The following BRINP1 variants were observed in gnomAD, a reference collection of about 807,000 sequenced individuals.
The protein encoded by BRINP1 is BMP/retinoic acid-inducible neural-specific protein 1.
Under a neutral mutation model 72.9 loss-of-function variants are expected in BRINP1, and 17 were observed. The observed-to-expected ratio is 0.23, with a 90% CI of 0.16 to 0.35. The LOEUF (loss-of-function observed/expected upper bound fraction) is 0.35, where lower values mean the gene tolerates loss of function less well. Ranked by LOEUF, BRINP1 falls within the 10% of genes least tolerant of loss-of-function variation. BRINP1 has a pLI of 1.00. For missense variants in BRINP1, 850 were observed against 1,001.6 expected (o/e 0.85, Z 2.04); for synonymous variants, 418 against 378.5 (o/e 1.10, Z -1.21).
At chr9:119,291,077 C>T (rs1320674782) in intron 2 of BRINP1, among the ~76,000 whole-genome samples, 1 of 149,858 alleles carries the variant, frequency 6.7e-6, no homozygotes, top group Admixed American at 6.7e-5. Context: ...GAGCCGAGAT[C>T]GCGCCACTGC....
At chr9:119,254,011 T>G (rs1435050355) in intron 2 of BRINP1, among the ~76,000 whole-genome samples, 2 of 152,190 alleles carry the variant, frequency 1.3e-5, no homozygotes, top group African/African-American at 4.8e-5. Context: ...ATTTTTACAC[T>G]CTTTACCAAA....
At chr9:119,261,788 T>TCCTC (rs1216060199) in intron 2 of BRINP1, among the ~76,000 whole-genome samples, 1 of 151,094 alleles carries the variant, frequency 6.6e-6, no homozygotes, top group Non-Finnish European at 1.5e-5. Context: ...CTTCCTTCCT[T>TCCTC]CCTCCCTCCC....
At chr9:119,278,386 T>C (rs956800324) in intron 2 of BRINP1, among the ~76,000 whole-genome samples, 1 of 152,212 alleles carries the variant, frequency 6.6e-6, no homozygotes, top group Non-Finnish European at 1.5e-5. Flanking sequence ...GCTGACTGAT[T>C]GTTGGCTAAT....
intron 4 of BRINP1, among the ~76,000 whole-genome samples, chr9:119,239,960 G>A (rs868083977): frequency 7.9e-5 from 12 of 151,968 alleles, no homozygotes; most frequent in Non-Finnish European, 1.2e-4. Context: ...TTCTCCGCCC[G>A]GGTTAGTGGC....
chr9:119,317,178 T>C (rs1831133552), intron 1 of BRINP1, among the ~76,000 whole-genome samples: 2 of 152,206 alleles, frequency 1.3e-5, no homozygotes, highest in African/African-American at 2.4e-5. Flanking sequence ...GATCTGGGCA[T>C]TGCACATTGG....
In BRINP1 at chr9:119,283,878, T is replaced by A. The variant is rs16908195; in HGVS notation, c.218+29260A>T. Among the ~76,000 whole-genome samples, 939 of 152,288 alleles carry A rather than the reference T, an allele frequency of 6.2e-3. 9 individuals carry two copies. The highest frequency in any genetic ancestry group is 0.022 in the African/African-American group (896 of 41,574). On this transcript the variant is annotated intron_variant, in intron 2 of 7. Coordinates refer to ENST00000265922, the MANE Select transcript of BRINP1 (RefSeq NM_014618.3). ...CAAGTACCATACCGTCACCTGATGCTATCATTCCTCCTTTTTCTCCTTAGG... is the reference window on the plus strand; with the variant it reads ...CAAGTACCATACCGTCACCTGATGCAATCATTCCTCCTTTTTCTCCTTAGG...
intron 2 of BRINP1, among the ~76,000 whole-genome samples, chr9:119,286,243 T>TG (rs1476484936): frequency 6.6e-6 from 1 of 151,920 alleles, no homozygotes; most frequent in Non-Finnish European, 1.5e-5. Flanking sequence ...TTCATCTTTT[T>TG]TTTTTTTGAG....
At chr9:119,351,968 G>C (rs1831512002) in intron 1 of BRINP1, among the ~76,000 whole-genome samples, 1 of 151,926 alleles carries the variant, frequency 6.6e-6, no homozygotes. Context: ...ACCATGCCCA[G>C]CTAATTTTTA....
At chr9:119,302,796 C>T (rs537831242) in intron 2 of BRINP1, among the ~76,000 whole-genome samples, 3 of 152,184 alleles carry the variant, frequency 2.0e-5, no homozygotes, top group East Asian at 1.9e-4. Flanking sequence ...CTTGCAAGAC[C>T]GGCTCAATGC....
chr9:119,218,249 G>A (rs1189145524), intron 5 of BRINP1, among the ~76,000 whole-genome samples: 1 of 147,752 alleles, frequency 6.8e-6, no homozygotes, highest in Non-Finnish European at 1.5e-5. Flanking sequence ...TCTGTCACCA[G>A]GCTGGAGTGC....
chr9:119,248,810 A>G, intron 3 of BRINP1, 150 bp downstream of exon 3: 1 of 643,938 alleles, frequency 1.6e-6, no homozygotes, highest in Admixed American at 3.0e-5. Flanking sequence ...AACAGCCAAG[A>G]CAATTTGGCT....
At chr9:119,310,658 G>A (rs1041862790) in intron 2 of BRINP1, among the ~76,000 whole-genome samples, 12 of 152,192 alleles carry the variant, frequency 7.9e-5, no homozygotes, top group Non-Finnish European at 1.6e-4. Context: ...GGTCTGGGCA[G>A]ATCAGTAAAG....
intron 2 of BRINP1, among the ~76,000 whole-genome samples, chr9:119,305,391 T>C (rs913642204): frequency 6.6e-6 from 1 of 152,210 alleles, no homozygotes; most frequent in African/African-American, 2.4e-5. Flanking sequence ...CTTTAAAGAT[T>C]GGTTGAAATC....
At chr9:119,240,931 C>A (rs1435359245) in intron 4 of BRINP1, among the ~76,000 whole-genome samples, 1 of 152,198 alleles carries the variant, frequency 6.6e-6, no homozygotes, top group East Asian at 1.9e-4. Context: ...AAAATGCAGG[C>A]ATAATCTGGT....
chr9:119,259,110 G>A (rs1020414992), intron 2 of BRINP1, among the ~76,000 whole-genome samples: 2 of 152,168 alleles, frequency 1.3e-5, no homozygotes, highest in Admixed American at 6.5e-5. Context: ...ATTCCATTGA[G>A]CACCTGGAAA....
At position 119,283,098 on chromosome 9, in the gene BRINP1, C is replaced by T. The variant is rs987215256; in HGVS notation, c.218+30040G>A. On this transcript the variant is annotated intron_variant, in intron 2 of 7. Coordinates refer to ENST00000265922, the MANE Select transcript of BRINP1 (RefSeq NM_014618.3). ...GAAAGAGGACCAGACTAGCAGTTCA[C>T]AGAGCTTGGAGCGTGAATCTGCGTT... The T allele has an allele frequency of 6.5e-5, 64 of 985,106 alleles. No homozygotes were observed. The African/African-American group carries it at 1.1e-3, about 17-fold the overall frequency. 61.0% of individuals were successfully genotyped at this position (985,106 alleles called of 1,614,324 possible). A position where few individuals can be genotyped will look rare whatever the true frequency, so the allele number is the denominator to read the frequency against.
intron 1 of BRINP1, among the ~76,000 whole-genome samples, chr9:119,340,084 C>T (rs1203394653): frequency 6.6e-6 from 1 of 152,148 alleles, no homozygotes; most frequent in Non-Finnish European, 1.5e-5. Flanking sequence ...GAGGAGGATC[C>T]ATGAGCTGTT....
At chr9:119,195,456 G>A (rs35914496) in intron 7 of BRINP1, among the ~76,000 whole-genome samples, 1 of 152,158 alleles carries the variant, frequency 6.6e-6, no homozygotes, top group African/African-American at 2.4e-5. Context: ...CGGGGAGGCC[G>A]ACTGATCCTC....
chr9:119,263,431 T>C (rs1830515711), intron 2 of BRINP1, among the ~76,000 whole-genome samples: 2 of 151,962 alleles, frequency 1.3e-5, no homozygotes, highest in Non-Finnish European at 2.9e-5. Flanking sequence ...CAGGGCACTT[T>C]AGTTGACTCT....
Sources: allele counts gnomAD v4.1 joint callset (sites outside exome capture counted in the v4.1 genomes callset), GRCh38; gene constraint gnomAD v4.1.1; transcripts MANE v1.5; gene names NCBI Gene and HGNC (gene_info 2026-07-23, HGNC 2026-07-21).